The following UNC5C variants were observed in gnomAD, a reference collection of about 807,000 sequenced individuals.
The protein encoded by UNC5C is unc-5 netrin receptor C.
A neutral mutation model predicts 99.8 loss-of-function variants in UNC5C; 47 were observed. The observed-to-expected ratio is 0.47, with a 90% CI of 0.37 to 0.60. UNC5C has a LOEUF of 0.60. UNC5C is among the 20% of genes least tolerant of loss of function. UNC5C has a pLI of 0.00. For missense variants in UNC5C, 1,062 were observed against 1,165.9 expected, an observed-to-expected ratio of 0.91 and a Z score of 1.30; for synonymous variants, 487 against 452.2, an observed-to-expected ratio of 1.08 and a Z score of -0.98.
intron 1 of UNC5C, among the ~76,000 whole-genome samples, chr4:95,446,264 G>A (rs1443806244): frequency 6.6e-6 from 1 of 151,866 alleles, no homozygotes; most frequent in African/African-American, 2.4e-5. Flanking sequence ...GGGAAAGGCT[G>A]TAGGAAAAAA....
chr4:95,548,820 C>A lies in UNC5C; in HGVS notation c.38G>T (p.Gly13Val). 1.9e-6 allele frequency: 3 copies of A among 1,613,396 alleles called. No individual in the cohort carries two copies. Among genetic ancestry groups the A allele is most frequent in the Non-Finnish European group, 2.5e-6 (3 of 1,179,950 alleles). Residue 13 changes from glycine to valine, a missense_variant, in exon 1 of 16, where the codon GGA becomes GTA. Transcript: ENST00000453304. ...TTGCAGCAAGTATCCCAGTCCCAGT[C>A]CGCAGCGGGCCGCTGTCGCCCGCAG... ...KGLRATAARC[G>V]LGLGYLLQML...
chr4:95,391,248 CT>C (rs1745351528), intron 1 of UNC5C, among the ~76,000 whole-genome samples: 1 of 152,096 alleles, frequency 6.6e-6, no homozygotes, highest in South Asian at 2.1e-4. Context: ...TGAAAATGGA[CT>C]AATAGAACCC....
At chr4:95,193,878 C>T (rs1051787526) in intron 12 of UNC5C, among the ~76,000 whole-genome samples, 24 of 152,192 alleles carry the variant, frequency 1.6e-4, no homozygotes, top group Admixed American at 1.3e-3. Flanking sequence ...CCCACCTGCT[C>T]GGGTCGCCAT....
chr4:95,195,961 T>C (rs115331401), intron 12 of UNC5C, among the ~76,000 whole-genome samples: 1,657 of 152,040 alleles, frequency 0.011, 15 homozygotes, highest in Middle Eastern at 0.021. Flanking sequence ...CACAAATACA[T>C]TTGTCAGAAA....
chr4:95,534,090 C>T (rs756314672), intron 1 of UNC5C, among the ~76,000 whole-genome samples: 3 of 152,064 alleles, frequency 2.0e-5, no homozygotes, highest in East Asian at 1.9e-4. Flanking sequence ...TGGAACGTTC[C>T]CTACAGCACA....
In UNC5C at chr4:95,245,129, G is replaced by T; in HGVS notation, c.791C>A (p.Ser264Tyr). The T allele has an allele frequency of 6.2e-7, 1 of 1,611,400 alleles. No homozygotes were observed. The highest frequency in any genetic ancestry group is 1.1e-5 in the South Asian group (1 of 90,414). Residue 264 changes from serine to tyrosine, a missense_variant, in exon 6 of 16, where the codon TCC (serine) becomes TAC (tyrosine). Coordinates refer to ENST00000453304, the MANE Select transcript of UNC5C (RefSeq NM_003728.4). ...TVIVYVNGGWSTWTEWSVCNS... is the reference protein window; with the variant it reads ...TVIVYVNGGWYTWTEWSVCNS... ...ACACACAGACCACTCCGTCCAGGTG[G>T]ACCAGCCACCGTTGACTGAAAGGAG...
intron 1 of UNC5C, among the ~76,000 whole-genome samples, chr4:95,484,211 T>C (rs896695848): frequency 3.3e-5 from 5 of 151,856 alleles, no homozygotes; most frequent in South Asian, 2.1e-4. Flanking sequence ...TTGTGCTTCA[T>C]AATAAGGACA....
chr4:95,434,759 A>C (rs1377710078), intron 1 of UNC5C, among the ~76,000 whole-genome samples: 1 of 152,008 alleles, frequency 6.6e-6, no homozygotes, highest in East Asian at 1.9e-4. Context: ...CTCCTTCTTG[A>C]ATATCCCACA....
chr4:95,447,758 C>T (rs2149466064), intron 1 of UNC5C, among the ~76,000 whole-genome samples: 1 of 152,266 alleles, frequency 6.6e-6, no homozygotes, highest in South Asian at 2.1e-4. Flanking sequence ...GCCACGGCTT[C>T]CAAAGTGCTG....
chr4:95,532,931 GA>G (rs889164149), intron 1 of UNC5C, among the ~76,000 whole-genome samples: 25 of 148,346 alleles, frequency 1.7e-4, no homozygotes, highest in African/African-American at 6.2e-4. Flanking sequence ...AAGGTTTTAA[GA>G]AAAAAAGTTC....
At chr4:95,182,249 AG>A (rs1736639940) in intron 14 of UNC5C, among the ~76,000 whole-genome samples, 1 of 152,230 alleles carries the variant, frequency 6.6e-6, no homozygotes, top group African/African-American at 2.4e-5. Context: ...ATCACAGCAA[AG>A]GAAGGCAAAG....
intron 3 of UNC5C, among the ~76,000 whole-genome samples, chr4:95,295,937 T>A (rs892111005): frequency 1.3e-5 from 2 of 152,018 alleles, no homozygotes; most frequent in African/African-American, 4.8e-5. Flanking sequence ...AATACAAAAA[T>A]TAGCCAGGGA....
chr4:95,535,529 G>A (rs1034165918), intron 1 of UNC5C, among the ~76,000 whole-genome samples: 3 of 152,106 alleles, frequency 2.0e-5, no homozygotes, highest in Non-Finnish European at 4.4e-5. Flanking sequence ...TTTTGATGAC[G>A]CTGTTAATTA....
rs561374888 is a variant in UNC5C at position 95,196,129 on chromosome 4, A to T, written c.2136+6602T>A. ...ACAGAAATGACTTATTTCCACATAG[A>T]CGTATGTTTCTCCTAGGTGTTTTTA... On this transcript the variant is annotated intron_variant, in intron 12 of 15. Coordinates refer to ENST00000453304, the MANE Select transcript of UNC5C (RefSeq NM_003728.4). Among the ~76,000 whole-genome samples the T allele has an allele frequency of 7.2e-5, 11 of 152,278 alleles. 1 individual carries two copies. The highest frequency in any genetic ancestry group is 5.2e-4 in the Admixed American group (8 of 15,288).
intron 5 of UNC5C, among the ~76,000 whole-genome samples, chr4:95,245,536 G>A (rs1739472404): frequency 6.6e-6 from 1 of 151,916 alleles, no homozygotes; most frequent in African/African-American, 2.4e-5. Flanking sequence ...CTATAGCATG[G>A]GAACAGAATA....
At chr4:95,200,498 T>G (rs905624119) in intron 12 of UNC5C, among the ~76,000 whole-genome samples, 1 of 152,236 alleles carries the variant, frequency 6.6e-6, no homozygotes, top group African/African-American at 2.4e-5. Flanking sequence ...GGCAACTTAC[T>G]TAAACTTTCT....
At chr4:95,264,049 TCA>T (rs751522840) in intron 4 of UNC5C, among the ~76,000 whole-genome samples, 3 of 152,188 alleles carry the variant, frequency 2.0e-5, no homozygotes, top group East Asian at 1.9e-4. Context: ...ATGCTAGAAC[TCA>T]CAGTGTTCAG....
chr4:95,195,512 G>A (rs1034411809), intron 12 of UNC5C, among the ~76,000 whole-genome samples: 6 of 152,172 alleles, frequency 3.9e-5, no homozygotes, highest in African/African-American at 1.4e-4. Flanking sequence ...TGGATACTAG[G>A]ATAATTCCAG....
chr4:95,271,447 T>G (rs1452539437), intron 4 of UNC5C, among the ~76,000 whole-genome samples: 2 of 152,188 alleles, frequency 1.3e-5, no homozygotes, highest in South Asian at 2.1e-4. Flanking sequence ...GCCAGGATGG[T>G]CTCGATCTCC....
Sources: allele counts gnomAD v4.1 joint callset (sites outside exome capture counted in the v4.1 genomes callset), GRCh38; gene constraint gnomAD v4.1.1; transcripts MANE v1.5; gene names NCBI Gene and HGNC (gene_info 2026-07-23, HGNC 2026-07-21).